Variants in FGF12 observed in about 807,000 individuals in gnomAD.
FGF12 encodes the protein fibroblast growth factor 12B.
In FGF12, 14 loss-of-function variants were observed where a neutral mutation model predicts 23.6. The ratio of observed to expected loss-of-function variants is 0.59; its 90% CI spans 0.39 to 0.93. The LOEUF (loss-of-function observed/expected upper bound fraction) is 0.93, where lower values mean the gene tolerates loss of function less well. Among genes scored for constraint, FGF12 ranks in the 40% least tolerant of loss-of-function variants. FGF12 has a pLI of 0.00. For synonymous variants in FGF12, 62 were observed against 77.3 expected (o/e 0.80, Z 1.04); for missense variants, 175 against 217.8 (o/e 0.80, Z 1.24).
At chr3:192,552,848 G>C (rs558901237) in intron 2 of FGF12, among the ~76,000 whole-genome samples, 2 of 152,194 alleles carry the variant, frequency 1.3e-5, no homozygotes, top group African/African-American at 4.8e-5. Flanking sequence ...CCGAGATCAT[G>C]CCACTGCACC....
At chr3:192,281,689 C>G (rs538215253) in intron 4 of FGF12, among the ~76,000 whole-genome samples, 2 of 152,070 alleles carry the variant, frequency 1.3e-5, no homozygotes, top group African/African-American at 4.8e-5. Context: ...CAGTTTTCAG[C>G]GATCTCAAAG....
intron 2 of FGF12, among the ~76,000 whole-genome samples, chr3:192,588,349 C>CAA (rs1201739223): frequency 0.016 from 1,102 of 66,854 alleles, 42 homozygotes; most frequent in African/African-American, 0.032. Flanking sequence ...CAATCCGTCT[C>CAA]AAAAAAAAAA....
At chr3:192,681,486 G>A (rs965632978) in intron 2 of FGF12, among the ~76,000 whole-genome samples, 10 of 152,206 alleles carry the variant, frequency 6.6e-5, no homozygotes, top group Admixed American at 2.0e-4. Context: ...AATACAAGTC[G>A]TGAGATTCTA....
intron 2 of FGF12, among the ~76,000 whole-genome samples, chr3:192,451,628 AG>A (rs1722524353): frequency 6.6e-6 from 1 of 152,230 alleles, no homozygotes; most frequent in African/African-American, 2.4e-5. Flanking sequence ...AACTACTAAA[AG>A]TCCCAGACAC....
In FGF12 at chr3:192,376,456, A is replaced by C. The variant is rs1434015286; in HGVS notation, c.14-15918T>G. Among the ~76,000 whole-genome samples, 3 of 151,948 alleles carry C rather than the reference A, an allele frequency of 2.0e-5. No individual in the cohort carries two copies. In the South Asian group the frequency reaches 6.2e-4, roughly 31 times the overall value. On this transcript the variant is annotated intron_variant, in intron 2 of 5. Coordinates refer to ENST00000445105, the MANE Select transcript of FGF12 (RefSeq NM_004113.6). Reference sequence around the variant, plus strand: ...TGGCTGACCGCAACCTCTGCCTCCCAGGTTCAAACAATTCTCCTGCCTCAG... The same window carrying C: ...TGGCTGACCGCAACCTCTGCCTCCCCGGTTCAAACAATTCTCCTGCCTCAG...
intron 4 of FGF12, among the ~76,000 whole-genome samples, chr3:192,277,485 C>T (rs1713863454): frequency 6.6e-6 from 1 of 152,176 alleles, no homozygotes; most frequent in Non-Finnish European, 1.5e-5. Flanking sequence ...GCTTGGTCTG[C>T]AGTGGGGGCA....
intron 2 of FGF12, among the ~76,000 whole-genome samples, chr3:192,555,477 T>C (rs569367527): frequency 6.6e-6 from 1 of 152,002 alleles, no homozygotes; most frequent in East Asian, 1.9e-4. Context: ...AACATGATAA[T>C]ACACAATATA....
chr3:192,200,790 A>G (rs1398233200), intron 4 of FGF12, among the ~76,000 whole-genome samples: 1 of 152,184 alleles, frequency 6.6e-6, no homozygotes, highest in Non-Finnish European at 1.5e-5. Flanking sequence ...TTTCTCTAGC[A>G]AGGCCTATGC....
chr3:192,265,781 C>T (rs1713041666), intron 4 of FGF12, among the ~76,000 whole-genome samples: 1 of 152,022 alleles, frequency 6.6e-6, no homozygotes, highest in Admixed American at 6.6e-5. Context: ...AAAAAGCCTA[C>T]AATATTTACT....
At chr3:192,335,029 G>A (rs969894656) in intron 4 of FGF12, among the ~76,000 whole-genome samples, 1 of 152,074 alleles carries the variant, frequency 6.6e-6, no homozygotes, top group Non-Finnish European at 1.5e-5. Context: ...CATCCTCCAT[G>A]CTTAAAGGAG....
intron 4 of FGF12, among the ~76,000 whole-genome samples, chr3:192,182,784 T>C (rs1217609481): frequency 1.3e-5 from 2 of 152,146 alleles, no homozygotes; most frequent in Non-Finnish European, 2.9e-5. Context: ...CCTCCAACAC[T>C]ACCTAATTTT....
At chr3:192,256,661 G>A (rs570140992) in intron 4 of FGF12, among the ~76,000 whole-genome samples, 12 of 152,172 alleles carry the variant, frequency 7.9e-5, no homozygotes, top group South Asian at 2.1e-4. Context: ...ATTTTAATTA[G>A]ACTGAAATGA....
intron 2 of FGF12, among the ~76,000 whole-genome samples, chr3:192,709,909 C>T (rs1362787859): frequency 6.6e-6 from 1 of 152,228 alleles, no homozygotes; most frequent in Non-Finnish European, 1.5e-5. Flanking sequence ...GTCTCTTATT[C>T]ATTATCCTGT....
chr3:192,687,117 C>T (rs1210280124), intron 2 of FGF12, among the ~76,000 whole-genome samples: 1 of 150,630 alleles, frequency 6.6e-6, no homozygotes, highest in African/African-American at 2.4e-5. Flanking sequence ...GTGTGAGTCA[C>T]CGTGCCCAGC....
intron 2 of FGF12, among the ~76,000 whole-genome samples, chr3:192,497,701 C>A (rs1233653943): frequency 2.6e-5 from 4 of 152,208 alleles, no homozygotes; most frequent in African/African-American, 9.7e-5. Flanking sequence ...CAGGTATTTG[C>A]AGGCTTGCTT....
intron 2 of FGF12, among the ~76,000 whole-genome samples, chr3:192,433,321 C>A (rs1003656985): frequency 6.6e-6 from 1 of 152,182 alleles, no homozygotes; most frequent in Admixed American, 6.5e-5. Context: ...TAGTCAACTG[C>A]AGAAGGACAA....
chr3:192,592,690 A>G (rs1271357205), intron 2 of FGF12, among the ~76,000 whole-genome samples: 1 of 151,690 alleles, frequency 6.6e-6, no homozygotes, highest in Non-Finnish European at 1.5e-5. Context: ...CAAAAACAAA[A>G]CCACTTTCCA....
rs34864946 is a variant in FGF12 at position 192,727,462 on chromosome 3, ATTT to A, written c.-131+19_-131+21del. On this transcript the variant is annotated intron_variant, in intron 1 of 5. Coordinates refer to ENST00000445105, the MANE Select transcript of FGF12 (RefSeq NM_004113.6). The stretch of plus-strand genomic sequence containing the variant: ...AAATGCATGCACAGTGCCCGCTCAG[ATTT>A]TTTTTTTTTTTTTTTTACCTGGGTC... 6,242 of 554,408 alleles carry A rather than the reference ATTT, an allele frequency of 0.011. No individual in the cohort carries two copies. Among genetic ancestry groups the A allele is most frequent in the Middle Eastern group, 0.015 (29 of 1,880 alleles). The allele number at this position is 554,408 out of a possible 1,614,324, so 34.3% of individuals were successfully genotyped here. A position where few individuals can be genotyped will look rare whatever the true frequency, so the allele number is the denominator to read the frequency against.
chr3:192,435,384 G>A (rs1042689140), intron 2 of FGF12, among the ~76,000 whole-genome samples: 4 of 152,148 alleles, frequency 2.6e-5, no homozygotes, highest in African/African-American at 9.7e-5. Context: ...AAAGAGACAG[G>A]AGAGCTTAGC....
Sources: gnomAD v4.1 joint callset for allele counts (sites outside exome capture counted in the v4.1 genomes callset) on GRCh38, gnomAD v4.1.1 for gene constraint, MANE v1.5 for transcripts, NCBI Gene and HGNC (gene_info 2026-07-23, HGNC 2026-07-21) for gene names.